The following IFI16 variants were observed in gnomAD, a reference collection of about 807,000 sequenced individuals.
IFI16 encodes the protein interferon gamma inducible protein 16.
Under a neutral mutation model 68.4 loss-of-function variants are expected in IFI16, and 49 were observed. That is an observed-to-expected ratio of 0.72 (90% CI 0.57 to 0.91). The LOEUF is 0.91. Ranked by LOEUF, IFI16 falls within the 40% of genes least tolerant of loss-of-function variation. The pLI, the probability that IFI16 is intolerant of heterozygous loss-of-function variation, is 0.00. For synonymous variants in IFI16, 307 were observed against 315.0 expected, an observed-to-expected ratio of 0.97 and a Z score of 0.27; for missense variants, 878 against 942.9, an observed-to-expected ratio of 0.93 and a Z score of 0.90.
At chr1:159,033,620 G>A (rs1418472937) in intron 7 of IFI16, among the ~76,000 whole-genome samples, 1 of 152,140 alleles carries the variant, frequency 6.6e-6, no homozygotes, top group East Asian at 1.9e-4. Context: ...TCTTCCTCAA[G>A]CTTTCAAAGA....
At chr1:159,004,992 T>G (rs1169866937), upstream of IFI16, among the ~76,000 whole-genome samples, 4 of 152,178 alleles carry the variant, frequency 2.6e-5, no homozygotes, top group South Asian at 2.1e-4. Flanking sequence ...ATGTTGAAAC[T>G]TAGTACCCAA....
At position 159,024,725 on chromosome 1, in the gene IFI16, A is replaced by G. The variant is rs539128306; in HGVS notation, c.1161+4196A>G. 2.0e-5 allele frequency among the ~76,000 whole-genome samples: 3 copies of G among 152,314 alleles called. No individual in the cohort carries two copies. In the South Asian group the frequency reaches 6.2e-4, roughly 32 times the overall value. On this transcript the variant is annotated intron_variant, in intron 6 of 11. Transcript: ENST00000295809. ...TTTTATTTCCACAAAGTATGAGAAAACAAGCATTAAAGACAATGGTCTAAG... is the reference window on the plus strand; with the variant it reads ...TTTTATTTCCACAAAGTATGAGAAAGCAAGCATTAAAGACAATGGTCTAAG...
At chr1:159,003,453 T>G (rs111824585), upstream of IFI16, among the ~76,000 whole-genome samples, 2,912 of 152,220 alleles carry the variant, frequency 0.019, 78 homozygotes, top group African/African-American at 0.065. Context: ...TCCAAATTCC[T>G]AAAGGAGCTC....
At chr1:159,047,713 C>T (rs1447582558) in intron 8 of IFI16, among the ~76,000 whole-genome samples, 1 of 147,926 alleles carries the variant, frequency 6.8e-6, no homozygotes, top group Non-Finnish European at 1.5e-5. Context: ...GTCTGTGATT[C>T]GCAACGTAAG....
intron 10 of IFI16, chr1:159,052,341 A>G: frequency 2.0e-6 from 1 of 503,328 alleles, no homozygotes; most frequent in Non-Finnish European, 3.6e-6. Context: ...GAAACTTGGC[A>G]TTTTATTAGT....
At chr1:159,012,641 A>G (rs1374827553) in intron 1 of IFI16, among the ~76,000 whole-genome samples, 1 of 152,196 alleles carries the variant, frequency 6.6e-6, no homozygotes, top group Non-Finnish European at 1.5e-5. Flanking sequence ...GCTTCTACAG[A>G]AGGGTGCTGC....
intron 7 of IFI16, among the ~76,000 whole-genome samples, chr1:159,033,450 CAAT>C (rs1181217527): frequency 1.3e-5 from 2 of 152,208 alleles, no homozygotes; most frequent in African/African-American, 4.8e-5. Flanking sequence ...ACAACAATGA[CAAT>C]AATTATATTT....
intron 7 of IFI16, among the ~76,000 whole-genome samples, chr1:159,042,138 G>A (rs938173072): frequency 1.3e-5 from 2 of 152,142 alleles, no homozygotes; most frequent in Non-Finnish European, 2.9e-5. Flanking sequence ...CCCCATAGGA[G>A]GCAAAACCTG....
At chr1:159,023,246 G>T (rs1302877621) in intron 6 of IFI16, among the ~76,000 whole-genome samples, 1 of 152,122 alleles carries the variant, frequency 6.6e-6, no homozygotes, top group Admixed American at 6.5e-5. Context: ...TCTATCAGGG[G>T]CAGTATTAGG....
At chr1:159,019,474 T>A (rs1653154737) in intron 5 of IFI16, among the ~76,000 whole-genome samples, 1 of 151,932 alleles carries the variant, frequency 6.6e-6, no homozygotes, top group South Asian at 2.1e-4. Flanking sequence ...GTCTTTTTTT[T>A]TTTTTTGAGA....
chr1:159,013,162 CTTTTTTTTTTTTT>C (rs59743054), intron 1 of IFI16, among the ~76,000 whole-genome samples: 670 of 54,742 alleles, frequency 0.012, 20 homozygotes, highest in African/African-American at 0.04. Context: ...AAGAAGGAAG[CTTTTTTTTTTTTT>C]TTTTTTTTTT....
At chr1:159,032,349 A>G (rs552355602) in intron 6 of IFI16, among the ~76,000 whole-genome samples, 175 bp from the exon 7 acceptor site, 144 of 152,278 alleles carry the variant, frequency 9.5e-4, no homozygotes, top group African/African-American at 3.4e-3. Flanking sequence ...ATCATTCCAC[A>G]TTTTAGCAAA....
chr1:159,002,960 T>C (rs1430475277), upstream of IFI16, among the ~76,000 whole-genome samples: 2 of 152,216 alleles, frequency 1.3e-5, no homozygotes, highest in South Asian at 2.1e-4. Context: ...AGAAATAGCA[T>C]AGATAAAAAA....
At chr1:159,014,397 G>GAGGC (rs35809236) in intron 1 of IFI16, among the ~76,000 whole-genome samples, 13,424 of 152,182 alleles carry the variant, frequency 0.088, 649 homozygotes, top group Middle Eastern at 0.13. Context: ...TCTTAACACT[G>GAGGC]AGGCAATTGC....
chr1:159,032,804 G>A, intron 7 of IFI16, 113 bp downstream of exon 7: 2 of 836,038 alleles, frequency 2.4e-6, no homozygotes, highest in East Asian at 2.8e-5. Flanking sequence ...GTACAATCTT[G>A]GTATGAAATT....
chr1:159,023,856 G>A (rs933376767), intron 6 of IFI16, among the ~76,000 whole-genome samples: 3 of 152,194 alleles, frequency 2.0e-5, no homozygotes, highest in Non-Finnish European at 4.4e-5. Context: ...TACTCTTGCC[G>A]TGAGAGGCAC....
chr1:159,045,100 T>C (rs1215963765), intron 7 of IFI16, among the ~76,000 whole-genome samples, 197 bp from the exon 8 acceptor site: 5 of 151,440 alleles, frequency 3.3e-5, no homozygotes, highest in Non-Finnish European at 7.4e-5. Flanking sequence ...GAGTTTTTAA[T>C]CCTGACTGGG....
intron 9 of IFI16, among the ~76,000 whole-genome samples, chr1:159,050,465 T>C (rs181563574): frequency 1.3e-5 from 2 of 152,310 alleles, no homozygotes; most frequent in Non-Finnish European, 2.9e-5. Context: ...TCATTGGGAA[T>C]GGGTTTCCTA....
chr1:159,014,725 G>C lies in IFI16; in HGVS notation c.45G>C (p.Glu15Asp). Reference protein sequence around the residue: ...YKNIVLLKGLEVINDYHFRMV... With the variant: ...YKNIVLLKGLDVINDYHFRMV... ...ACATTGTTCTACTAAAAGGATTAGAGGTCATCAATGATTATCATTTTAGAA... is the reference window on the plus strand; with the variant it reads ...ACATTGTTCTACTAAAAGGATTAGACGTCATCAATGATTATCATTTTAGAA... The change falls in exon 2 of 12, where the codon GAG becomes GAC. Residue 15 changes from glutamate to aspartate, a missense_variant. Physicochemically the swap from Glu to Asp is conservative, Grantham distance 45 (BLOSUM62 2). Transcript: ENST00000295809. The C allele has an allele frequency of 2.5e-6, 4 of 1,607,554 alleles. No homozygotes were observed. Among genetic ancestry groups the C allele is most frequent in the African/African-American group, 2.7e-5 (2 of 74,836 alleles).
Sources: allele counts gnomAD v4.1 joint callset (sites outside exome capture counted in the v4.1 genomes callset), GRCh38; gene constraint gnomAD v4.1.1; transcripts MANE v1.5; gene names NCBI Gene and HGNC (gene_info 2026-07-23, HGNC 2026-07-21).